NKD2: variants seen among roughly 807,000 people sequenced by gnomAD.
NKD2 encodes the protein NKD inhibitor of Wnt signaling pathway 2.
Under a neutral mutation model 34.8 loss-of-function variants are expected in NKD2, and 43 were observed. That is an observed-to-expected ratio of 1.24 (90% CI 0.97 to 1.60). The LOEUF is 1.60. Ranked by LOEUF, NKD2 falls within the 40% of genes most tolerant of loss-of-function variation. NKD2 has a pLI of 0.00. For missense variants in NKD2, 675 were observed against 627.1 expected (o/e 1.08, Z -0.82); for synonymous variants, 278 against 265.1 (o/e 1.05, Z -0.47).
chr5:1,015,890 C>A (rs1468089067), intron 3 of NKD2, among the ~76,000 whole-genome samples: 3 of 152,196 alleles, frequency 2.0e-5, no homozygotes, highest in Non-Finnish European at 4.4e-5. Flanking sequence ...GGGGAGGGGT[C>A]CCGAGCCCAG....
At chr5:1,027,417 G>A (rs1001954973) in intron 3 of NKD2, among the ~76,000 whole-genome samples, 1 of 152,202 alleles carries the variant, frequency 6.6e-6, no homozygotes, top group Non-Finnish European at 1.5e-5. Flanking sequence ...GGACCCGGGA[G>A]CCCCGAGGTC....
chr5:1,025,966 A>T (rs377514045), intron 3 of NKD2, among the ~76,000 whole-genome samples: 1 of 42,676 alleles, frequency 2.3e-5, no homozygotes, highest in African/African-American at 7.1e-5. Context: ...GTCTCAGCCC[A>T]TTGTCCCTGC....
intron 6 of NKD2, 78 bp from the exon 7 acceptor site, chr5:1,034,678 G>A: frequency 1.4e-6 from 2 of 1,437,722 alleles, no homozygotes; most frequent in Non-Finnish European, 1.9e-6. Flanking sequence ...GGCGGGGGCT[G>A]GATGTGTTTT....
At position 1,016,492 on chromosome 5, in the gene NKD2, G is replaced by A. The variant is rs183745053; in HGVS notation, c.141+6932G>A. ...CCAAGGAAATCGTAAATAGTTTTGC[G>A]CACCAAAATCAGAGAAGCTAAAAAG... On this transcript the variant is annotated intron_variant, in intron 3 of 9. Transcript: ENST00000296849. Among the ~76,000 whole-genome samples, 551 of 151,978 alleles carry A rather than the reference G, an allele frequency of 3.6e-3. 2 individuals carry two copies. Among genetic ancestry groups the A allele is most frequent in the Non-Finnish European group, 5.6e-3 (380 of 68,028 alleles).
intron 3 of NKD2, among the ~76,000 whole-genome samples, chr5:1,020,524 C>G (rs944970078): frequency 2.6e-5 from 4 of 152,070 alleles, no homozygotes; most frequent in Non-Finnish European, 5.9e-5. Context: ...AGGTGTGGGC[C>G]CAGTGGCGCT....
chr5:1,035,664 C>T, intron 8 of NKD2, 191 bp downstream of exon 8: 1 of 586,248 alleles, frequency 1.7e-6, no homozygotes, highest in South Asian at 2.1e-5. Context: ...GAGCTGGGCC[C>T]CCAAGTCTGT....
chr5:1,009,677 C>A lies in NKD2; in HGVS notation c.141+117C>A. 1.2e-6 allele frequency: 1 copy of A among 823,422 alleles called. No individual in the cohort carries two copies. Among genetic ancestry groups the A allele is most frequent in the Non-Finnish European group, 1.7e-6 (1 of 581,650 alleles). 51.0% of individuals were successfully genotyped at this position (823,422 alleles called of 1,614,324 possible). On this transcript the variant is annotated intron_variant, in intron 3 of 9. Coordinates refer to ENST00000296849, the MANE Select transcript of NKD2 (RefSeq NM_033120.4). The surrounding 1 kb of genome is among the most constrained non-coding windows in gnomAD (Gnocchi z 6.9). ...CAGGCGAGACGTGGGCCGCCATGGC[C>A]GCACGAGTGACCGGGGGCCAGGAGA...
intron 3 of NKD2, among the ~76,000 whole-genome samples, chr5:1,027,627 G>A (rs912570111): frequency 3.9e-5 from 6 of 152,182 alleles, no homozygotes; most frequent in African/African-American, 1.4e-4. Context: ...GATCGGGGTT[G>A]GTATTTCTAG....
At chr5:1,027,198 A>T (rs991973638) in intron 3 of NKD2, among the ~76,000 whole-genome samples, 3 of 152,196 alleles carry the variant, frequency 2.0e-5, no homozygotes, top group Admixed American at 2.0e-4. Flanking sequence ...CAGGGGCTCC[A>T]CCCAACAGGG....
chr5:1,012,963 G>A (rs1755810564), intron 3 of NKD2, among the ~76,000 whole-genome samples: 1 of 152,262 alleles, frequency 6.6e-6, no homozygotes, highest in Admixed American at 6.5e-5. Context: ...TCAACACAGA[G>A]ATGCAGGGTG....
chr5:1,009,422 C>T lies in NKD2; in HGVS notation c.62-59C>T. 1.4e-6 allele frequency: 2 copies of T among 1,398,364 alleles called. No homozygotes were observed. Among genetic ancestry groups the T allele is most frequent in the Non-Finnish European group, 1.9e-6 (2 of 1,046,434 alleles). 86.6% of individuals were successfully genotyped at this position (1,398,364 alleles called of 1,614,324 possible). A position where few individuals can be genotyped will look rare whatever the true frequency, so the allele number is the denominator to read the frequency against. ...GAAGGCGCAGCGCCCGCGGGGCTCA[C>T]GGCGCGTCTCTTTCCCTCCTCGGTG... On this transcript the variant is annotated intron_variant, in intron 2 of 9. Transcript: ENST00000296849. This position sits in a 1 kb window ranked among gnomAD's most constrained non-coding sequence, Gnocchi z 6.9.
intron 3 of NKD2, among the ~76,000 whole-genome samples, chr5:1,031,470 G>A (rs576328505): frequency 1.3e-5 from 2 of 152,100 alleles, no homozygotes; most frequent in Non-Finnish European, 1.5e-5. Context: ...CCGCCTGCCC[G>A]AGAGCTGCCT....
chr5:1,019,524 G>A (rs549491165), intron 3 of NKD2, among the ~76,000 whole-genome samples: 568 of 152,188 alleles, frequency 3.7e-3, no homozygotes, highest in African/African-American at 6.9e-3. Context: ...GGAGCCTCTC[G>A]CCAGCCACAG....
chr5:1,034,367 TAGACAGACGGGGC>T (rs1560998383), intron 6 of NKD2, 37 bp downstream of exon 6: 2 of 1,519,490 alleles, frequency 1.3e-6, no homozygotes, highest in South Asian at 1.1e-5. Flanking sequence ...TCCACAGTAG[TAGACAGACGGGGC>T]AGACAGACTG....
At chr5:1,032,647 C>T (rs1756689734) in intron 4 of NKD2, among the ~76,000 whole-genome samples, 1 of 152,252 alleles carries the variant, frequency 6.6e-6, no homozygotes, top group African/African-American at 2.4e-5. Flanking sequence ...CAGGTCAGCA[C>T]TTGGCTTACC....
intron 3 of NKD2, among the ~76,000 whole-genome samples, chr5:1,028,225 A>C (rs1296175940): frequency 6.6e-6 from 1 of 151,748 alleles, no homozygotes; most frequent in Non-Finnish European, 1.5e-5. Context: ...GGGGACGTGG[A>C]CGGTGGCCTC....
intron 3 of NKD2, among the ~76,000 whole-genome samples, chr5:1,010,343 A>G (rs1755703818): frequency 6.6e-6 from 1 of 152,204 alleles, no homozygotes; most frequent in African/African-American, 2.4e-5. Flanking sequence ...CCAGGCCCAC[A>G]CTTGCCCCTT....
At chr5:1,026,148 C>G (rs969091868) in intron 3 of NKD2, among the ~76,000 whole-genome samples, 3 of 94,172 alleles carry the variant, frequency 3.2e-5, no homozygotes, top group East Asian at 8.5e-4. Flanking sequence ...CTGCTCTTCC[C>G]ACCCGCTGTG....
chr5:1,034,657 GC>G, intron 6 of NKD2, 98 bp from the exon 7 acceptor site: 1 of 1,250,410 alleles, frequency 8.0e-7, no homozygotes, highest in South Asian at 1.3e-5. Flanking sequence ...TGCAAGGATG[GC>G]ATAGGAAGGG....
Sources: allele counts gnomAD v4.1 joint callset (sites outside exome capture counted in the v4.1 genomes callset), GRCh38; gene constraint gnomAD v4.1.1; non-coding constraint Gnocchi (gnomAD v3.1); transcripts MANE v1.5; gene names NCBI Gene and HGNC (gene_info 2026-07-23, HGNC 2026-07-21).